Variants in FLI1 observed in about 807,000 individuals in gnomAD.
FLI1 encodes Fli-1 proto-oncogene, ETS transcription factor, also known as Friend leukemia integration 1 transcription factor.
A neutral mutation model predicts 53.1 loss-of-function variants in FLI1; 13 were observed. The ratio of observed to expected loss-of-function variants is 0.24; its 90% CI spans 0.16 to 0.39. The LOEUF is 0.39. FLI1 is among the 10% of genes least tolerant of loss of function. The probability of loss-of-function intolerance (pLI) is 1.00; values close to 1 mark genes in which losing one functional copy is unlikely to be tolerated. For synonymous variants in FLI1, 244 were observed against 236.7 expected (o/e 1.03, Z -0.28); for missense variants, 424 against 600.5 (o/e 0.71, Z 3.07).
At chr11:128,710,696 G>A (rs752794586) in intron 1 of FLI1, among the ~76,000 whole-genome samples, 21 of 152,148 alleles carry the variant, frequency 1.4e-4, no homozygotes, top group Non-Finnish European at 2.9e-4. Flanking sequence ...TTGTGATGTT[G>A]GATTGTATAA....
In FLI1 at chr11:128,797,165, C is replaced by T. The variant is rs567713599; in HGVS notation, c.656-8201C>T. ...GATTTGAATGGCCGTTCTAATTCAACGTGAATCCAAGACCACAGACTTGAC... is the reference window on the plus strand; with the variant it reads ...GATTTGAATGGCCGTTCTAATTCAATGTGAATCCAAGACCACAGACTTGAC... On this transcript the variant is annotated intron_variant, in intron 5 of 8. Coordinates refer to ENST00000527786, the MANE Select transcript of FLI1 (RefSeq NM_002017.5). Among the ~76,000 whole-genome samples the T allele has an allele frequency of 9.8e-5, 15 of 152,310 alleles. 1 individual carries two copies. In the South Asian group the frequency reaches 1.7e-3, roughly 17 times the overall value.
In FLI1 at chr11:128,772,085, C is replaced by T. The variant is rs189181493; in HGVS notation, c.386-697C>T. 5.5e-3 allele frequency among the ~76,000 whole-genome samples: 797 copies of T among 145,366 alleles called. 7 individuals carry two copies. Among genetic ancestry groups the T allele is most frequent in the Non-Finnish European group, 8.9e-3 (593 of 66,374 alleles). On this transcript the variant is annotated intron_variant, in intron 3 of 8. Coordinates refer to ENST00000527786, the MANE Select transcript of FLI1 (RefSeq NM_002017.5). Reference sequence around the variant, plus strand: ...ACACACACACACACACACATACACACACTGAGAAGGAGGAGGAGGTATGAG... The same window carrying T: ...ACACACACACACACACACATACACATACTGAGAAGGAGGAGGAGGTATGAG...
At chr11:128,744,751 G>T (rs1001477694) in intron 1 of FLI1, among the ~76,000 whole-genome samples, 7 of 152,172 alleles carry the variant, frequency 4.6e-5, no homozygotes, top group African/African-American at 1.7e-4. Context: ...GCTAGTAAGT[G>T]GCAATCATGT....
At chr11:128,737,255 C>T (rs1008580199) in intron 1 of FLI1, among the ~76,000 whole-genome samples, 1 of 152,104 alleles carries the variant, frequency 6.6e-6, no homozygotes, top group African/African-American at 2.4e-5. Context: ...TGGGTTAGTT[C>T]CCTGACCACC....
At position 128,694,159 on chromosome 11, in the gene FLI1, C is replaced by G. The variant is rs779080271; in HGVS notation, c.-100C>G. 3 of 1,366,210 alleles carry G rather than the reference C, an allele frequency of 2.2e-6. No individual in the cohort carries two copies. Among genetic ancestry groups the G allele is most frequent in the East Asian group, 5.8e-5 (2 of 34,374 alleles). 84.6% of individuals were successfully genotyped at this position (1,366,210 alleles called of 1,614,324 possible). On this transcript the variant is annotated 5_prime_UTR_variant, in exon 1 of 9. Transcript: ENST00000527786. Reference sequence around the variant, plus strand: ...GGCACGCAGGGAGGGCCCAGGGCGCCAGGGAGGCCGCGCCGGGCTAATCCG... The same window carrying G: ...GGCACGCAGGGAGGGCCCAGGGCGCGAGGGAGGCCGCGCCGGGCTAATCCG...
chr11:128,757,963 C>T (rs905620017), intron 1 of FLI1, 152 bp from the exon 2 acceptor site: 6 of 659,280 alleles, frequency 9.1e-6, no homozygotes, highest in Non-Finnish European at 1.6e-5. Context: ...TGCATAAGGG[C>T]AAACCTGCCC....
intron 1 of FLI1, among the ~76,000 whole-genome samples, chr11:128,739,429 C>T (rs1940038446): frequency 2.6e-5 from 4 of 152,106 alleles, no homozygotes. Context: ...CCCCTCAACC[C>T]CCCTGCCCCA....
At chr11:128,741,495 G>A (rs1262069269) in intron 1 of FLI1, among the ~76,000 whole-genome samples, 1 of 152,230 alleles carries the variant, frequency 6.6e-6, no homozygotes, top group Non-Finnish European at 1.5e-5. Context: ...GCAACTTACT[G>A]TGGACTCTCT....
chr11:128,774,900 C>A (rs1941685493), intron 4 of FLI1, among the ~76,000 whole-genome samples: 1 of 149,006 alleles, frequency 6.7e-6, no homozygotes, highest in African/African-American at 2.5e-5. Flanking sequence ...AGTAGAGAGA[C>A]CTTCTATTGG....
At chr11:128,751,014 G>A (rs1940620049) in intron 1 of FLI1, among the ~76,000 whole-genome samples, 1 of 152,190 alleles carries the variant, frequency 6.6e-6, no homozygotes, top group Admixed American at 6.5e-5. Context: ...TTCAGGCTAT[G>A]TAACAGAGCC....
intron 1 of FLI1, among the ~76,000 whole-genome samples, chr11:128,694,855 T>A (rs772132422): frequency 2.0e-5 from 3 of 152,150 alleles, no homozygotes; most frequent in African/African-American, 7.2e-5. Context: ...CCTGTTTACA[T>A]GTCAGCGCTT....
chr11:128,804,211 A>C (rs1294964588), intron 5 of FLI1: 1 of 152,126 alleles, frequency 6.6e-6, no homozygotes, highest in Non-Finnish European at 1.5e-5. Context: ...TCTTATTCTA[A>C]TTTGTTTGAG....
intron 1 of FLI1, among the ~76,000 whole-genome samples, chr11:128,747,015 T>C (rs532079888): frequency 6.6e-6 from 1 of 152,334 alleles, no homozygotes; most frequent in South Asian, 2.1e-4. Flanking sequence ...CCAGGGCTCC[T>C]CTGCAGGAAG....
intron 8 of FLI1, among the ~76,000 whole-genome samples, chr11:128,809,801 C>T (rs1942890603): frequency 6.6e-6 from 1 of 152,162 alleles, no homozygotes; most frequent in Non-Finnish European, 1.5e-5. Context: ...CCTTCCCATC[C>T]CAGGGACTCT....
chr11:128,732,459 T>C (rs1939739074), intron 1 of FLI1, among the ~76,000 whole-genome samples: 1 of 152,206 alleles, frequency 6.6e-6, no homozygotes, highest in Admixed American at 6.5e-5. Flanking sequence ...GCTAAGTCCT[T>C]GGGGACACAG....
chr11:128,775,554 A>G (rs557107), intron 4 of FLI1, among the ~76,000 whole-genome samples: 28,790 of 152,144 alleles, frequency 0.19, 3,091 homozygotes, highest in Admixed American at 0.28. Context: ...GCAGGAGGCC[A>G]TGGGCTGGCG....
At position 128,735,019 on chromosome 11, in the gene FLI1, C is replaced by G. The variant is rs1313722999; in HGVS notation, c.19-23096C>G. On this transcript the variant is annotated intron_variant, in intron 1 of 8. Transcript: ENST00000527786. ...GAGTCCAGAGGGTTGGCCTCACACT[C>G]TTCCCCTTCCCGCTTTATGACCACG... Among the ~76,000 whole-genome samples, 5 of 152,356 alleles carry G rather than the reference C, an allele frequency of 3.3e-5. No homozygotes were observed. The East Asian group carries it at 9.6e-4, about 29-fold the overall frequency.
intron 4 of FLI1, among the ~76,000 whole-genome samples, chr11:128,774,503 T>C (rs1010382391): frequency 6.6e-6 from 1 of 152,188 alleles, no homozygotes; most frequent in Non-Finnish European, 1.5e-5. Context: ...AGTCCTGCAG[T>C]GATCTAGGCA....
chr11:128,738,625 A>G (rs1452403807), intron 1 of FLI1, among the ~76,000 whole-genome samples: 3 of 152,234 alleles, frequency 2.0e-5, no homozygotes, highest in African/African-American at 7.2e-5. Flanking sequence ...GACAAATCAC[A>G]TATCCTAGCT....
Sources: gnomAD v4.1 joint callset for allele counts (sites outside exome capture counted in the v4.1 genomes callset) on GRCh38, gnomAD v4.1.1 for gene constraint, MANE v1.5 for transcripts, NCBI Gene and HGNC (gene_info 2026-07-23, HGNC 2026-07-21) for gene names.